Variants in OSBPL1A observed in about 807,000 individuals in gnomAD.
OSBPL1A encodes oxysterol-binding protein-related protein 1.
A neutral mutation model predicts 137.1 loss-of-function variants in OSBPL1A; 80 were observed. That is an observed-to-expected ratio of 0.58 (90% CI 0.49 to 0.70). The LOEUF is 0.70. OSBPL1A is among the 30% of genes least tolerant of loss of function. The probability of loss-of-function intolerance (pLI) is 0.00; values close to 1 mark genes in which losing one functional copy is unlikely to be tolerated. For synonymous variants in OSBPL1A, 365 were observed against 389.7 expected, an observed-to-expected ratio of 0.94 and a Z score of 0.75; for missense variants, 970 against 1,129.4, an observed-to-expected ratio of 0.86 and a Z score of 2.02.
chr18:24,368,302 G>A lies in OSBPL1A; in HGVS notation c.192C>T (p.Val64=), dbSNP rs775545776. The change falls in exon 3 of 28, where the codon GTC becomes GTT. Residue 64 remains valine (V), a synonymous_variant. Transcript: ENST00000319481. ...ATAAATAGACCTTCAACAGATCCTGGACCACTTGTCTGTGTCCAAAATAGC... is the reference window on the plus strand; with the variant it reads ...ATAAATAGACCTTCAACAGATCCTGAACCACTTGTCTGTGTCCAAAATAGC... ...LACYFGHRQV[V]QDLLKAGAEV... 17 of 1,611,808 alleles carry A rather than the reference G, an allele frequency of 1.1e-5. No individual in the cohort carries two copies. In the South Asian group the frequency reaches 1.9e-4, roughly 18 times the overall value.
intron 4 of OSBPL1A, among the ~76,000 whole-genome samples, chr18:24,342,003 A>G (rs1599690062): frequency 6.6e-6 from 1 of 152,342 alleles, no homozygotes; most frequent in East Asian, 1.9e-4. Context: ...TTCACTGAAG[A>G]TCATTCCTCT....
intron 15 of OSBPL1A, chr18:24,272,291 A>G: frequency 2.0e-6 from 2 of 982,210 alleles, no homozygotes; most frequent in Non-Finnish European, 2.4e-6. Flanking sequence ...CCCCTTGGGA[A>G]ACTCTGGAAA....
Position 24,163,062 on chromosome 18 carries a change from T to G in OSBPL1A, c.*117A>C. 1 of 685,508 alleles carries G rather than the reference T, an allele frequency of 1.5e-6. No individual in the cohort carries two copies. Among genetic ancestry groups the G allele is most frequent in the Non-Finnish European group, 2.4e-6 (1 of 425,244 alleles). 42.5% of individuals were successfully genotyped at this position (685,508 alleles called of 1,614,324 possible). ...TGTTGGGTGAAATGCAGTTATCTCA[T>G]GAGTGTTTTTTCATTTTTTTTTTTA... is the stretch of plus-strand genomic sequence containing the variant. On this transcript the variant is annotated 3_prime_UTR_variant, in exon 28 of 28. Coordinates refer to ENST00000319481, the MANE Select transcript of OSBPL1A (RefSeq NM_080597.4).
intron 27 of OSBPL1A, 127 bp from the exon 28 acceptor site, chr18:24,163,408 G>A: frequency 1.6e-6 from 1 of 614,858 alleles, no homozygotes; most frequent in Non-Finnish European, 2.8e-6. Flanking sequence ...GTTCTAAAGA[G>A]ATGCTGAAGT....
chr18:24,236,971 C>A (rs2146004745), intron 16 of OSBPL1A, among the ~76,000 whole-genome samples: 1 of 152,198 alleles, frequency 6.6e-6, no homozygotes, highest in East Asian at 1.9e-4. Flanking sequence ...GACTTTCATG[C>A]AACCTTGAAA....
At chr18:24,184,703 ACCCCATCTACATGC>A (rs2086696789) in intron 18 of OSBPL1A, among the ~76,000 whole-genome samples, 1 of 152,078 alleles carries the variant, frequency 6.6e-6, no homozygotes, top group South Asian at 2.1e-4. Flanking sequence ...ACTATCTTAT[ACCCCATCTACATGC>A]CCCCATCACC....
At chr18:24,205,838 C>T (rs531063645) in intron 17 of OSBPL1A, among the ~76,000 whole-genome samples, 13 of 152,312 alleles carry the variant, frequency 8.5e-5, no homozygotes, top group South Asian at 4.1e-4. Context: ...TGGAGAAAAG[C>T]AGAAAATGAA....
intron 17 of OSBPL1A, among the ~76,000 whole-genome samples, chr18:24,223,913 T>A (rs1485084905): frequency 6.6e-6 from 1 of 152,170 alleles, no homozygotes; most frequent in Non-Finnish European, 1.5e-5. Flanking sequence ...TAGAGATTGG[T>A]AGGTCTGCCA....
chr18:24,218,706 A>G (rs1034867562), intron 17 of OSBPL1A, among the ~76,000 whole-genome samples: 6 of 152,040 alleles, frequency 3.9e-5, no homozygotes, highest in African/African-American at 1.4e-4. Context: ...TCGGTCTCCC[A>G]AAGTGCTGGG....
intron 16 of OSBPL1A, among the ~76,000 whole-genome samples, chr18:24,226,144 T>G (rs946745241): frequency 6.6e-6 from 1 of 152,140 alleles, no homozygotes; most frequent in East Asian, 1.9e-4. Flanking sequence ...ATCTGCCAGT[T>G]TGGGAAGAAG....
chr18:24,315,976 A>G (rs1215376933), intron 11 of OSBPL1A, among the ~76,000 whole-genome samples: 3 of 147,042 alleles, frequency 2.0e-5, no homozygotes, highest in Non-Finnish European at 4.5e-5. Flanking sequence ...TACCTGACAT[A>G]CGGGCTGGGT....
Position 24,225,072 on chromosome 18 carries a change from T to C in OSBPL1A, c.1571A>G (p.Asp524Gly), listed in dbSNP as rs1454064321. ...MSEEKDCGGG[D>G]ALSNGIKKHR... ...TTTCTTGATGCCATTGGAGAGAGCA[T>C]CTCCGCCACCACAGTCTTTTTCTTC... Residue 524 changes from aspartate to glycine, a missense_variant, in exon 17 of 28, where the codon GAT (aspartate) becomes GGT (glycine). Transcript: ENST00000319481. 1 of 1,614,156 alleles carries C rather than the reference T, an allele frequency of 6.2e-7. No homozygotes were observed. Among genetic ancestry groups the C allele is most frequent in the African/African-American group, 1.3e-5 (1 of 75,042 alleles).
At chr18:24,298,461 C>T (rs1193871127) in intron 14 of OSBPL1A, among the ~76,000 whole-genome samples, 2 of 152,226 alleles carry the variant, frequency 1.3e-5, no homozygotes, top group Non-Finnish European at 2.9e-5. Flanking sequence ...ATTCTCCTGC[C>T]TCAGCCCCCC....
chr18:24,201,380 G>A (rs1344551265), intron 17 of OSBPL1A, among the ~76,000 whole-genome samples: 4 of 152,224 alleles, frequency 2.6e-5, no homozygotes, highest in Admixed American at 1.3e-4. Flanking sequence ...AACAAATGCT[G>A]TGCTTGAATC....
intron 17 of OSBPL1A, among the ~76,000 whole-genome samples, chr18:24,205,931 C>T (rs2087359964): frequency 6.6e-6 from 1 of 152,164 alleles, no homozygotes; most frequent in African/African-American, 2.4e-5. Context: ...CGATCTGTCA[C>T]CCAGGCTGGA....
At chr18:24,338,074 TCTTTC>T (rs1171916104) in intron 5 of OSBPL1A, among the ~76,000 whole-genome samples, 2 of 133,916 alleles carry the variant, frequency 1.5e-5, no homozygotes, top group Admixed American at 6.9e-5. Flanking sequence ...TTTTTCTTTT[TCTTTC>T]TTTTTTTTTT....
chr18:24,375,933 G>C (rs561750776), intron 2 of OSBPL1A, among the ~76,000 whole-genome samples: 1 of 152,042 alleles, frequency 6.6e-6, no homozygotes, highest in African/African-American at 2.4e-5. Context: ...CTCTTAAGGC[G>C]GCGCGTCTGG....
intron 4 of OSBPL1A, among the ~76,000 whole-genome samples, chr18:24,351,347 C>CAAAAAAAAAAAAAAAAAAAAAAAAA (rs1172514692): frequency 2.5e-4 from 9 of 35,770 alleles, no homozygotes; most frequent in African/African-American, 5.1e-4. Context: ...GACTCTGTCT[C>CAAAAAAAAAAAAAAAAAAAAAAAAA]AAAAAAAAAA....
At chr18:24,328,340 G>C (rs1157941035) in intron 7 of OSBPL1A, among the ~76,000 whole-genome samples, 1 of 147,380 alleles carries the variant, frequency 6.8e-6, no homozygotes, top group Non-Finnish European at 1.5e-5. Flanking sequence ...GATTACAGGT[G>C]TGAGTCACTG....
Sources: allele counts gnomAD v4.1 joint callset (sites outside exome capture counted in the v4.1 genomes callset), GRCh38; gene constraint gnomAD v4.1.1; transcripts MANE v1.5; gene names NCBI Gene and HGNC (gene_info 2026-07-23, HGNC 2026-07-21).